ABHD3: variants seen among roughly 807,000 people sequenced by gnomAD.
The protein encoded by ABHD3 is abhydrolase domain containing 3, phospholipase.
ABHD3 carries 46 observed loss-of-function variants against 48.8 expected under a neutral mutation model. The observed-to-expected ratio is 0.94, with a 90% CI of 0.74 to 1.20. The LOEUF (loss-of-function observed/expected upper bound fraction) is 1.20, where lower values mean the gene tolerates loss of function less well. Ranked by LOEUF, ABHD3 falls within the 50% of genes most tolerant of loss-of-function variation. The probability of loss-of-function intolerance (pLI) is 0.00; values close to 1 mark genes in which losing one functional copy is unlikely to be tolerated. For synonymous variants in ABHD3, 192 were observed against 183.7 expected (o/e 1.04, Z -0.36); for missense variants, 490 against 497.8 (o/e 0.98, Z 0.15).
chr18:21,691,091 T>G (rs921173341), intron 3 of ABHD3, among the ~76,000 whole-genome samples: 4 of 150,626 alleles, frequency 2.7e-5, no homozygotes, highest in African/African-American at 9.8e-5. Context: ...AAAGTTAAAG[T>G]GTAAATAAAG....
intron 3 of ABHD3, among the ~76,000 whole-genome samples, chr18:21,687,870 T>C (rs1215832892): frequency 6.6e-6 from 1 of 152,254 alleles, no homozygotes; most frequent in African/African-American, 2.4e-5. Flanking sequence ...AGTGCTGTCC[T>C]GTGCATTATA....
chr18:21,700,430 C>T (rs1470270691), intron 3 of ABHD3, among the ~76,000 whole-genome samples: 6 of 144,510 alleles, frequency 4.2e-5, no homozygotes, highest in Non-Finnish European at 6.0e-5. Flanking sequence ...CGGAGTTTTG[C>T]TCTTATTGCC....
chr18:21,669,475 T>A (rs891657564), intron 4 of ABHD3, among the ~76,000 whole-genome samples: 1 of 152,116 alleles, frequency 6.6e-6, no homozygotes. Context: ...TTCTGGTCAA[T>A]ACCCAGTTCT....
chr18:21,689,591 C>T (rs1478026191), intron 3 of ABHD3, among the ~76,000 whole-genome samples: 3 of 139,174 alleles, frequency 2.2e-5, no homozygotes, highest in Non-Finnish European at 4.5e-5. Flanking sequence ...TGCTCAGTCT[C>T]ACAGGCTTGA....
Position 21,659,339 on chromosome 18 carries a change from G to C in ABHD3, c.673C>G (p.Leu225Val), listed in dbSNP as rs192857485. ...LAAGVSMGGM[L>V]LLNYLGKIGS... ...ATTTTGCCCAAGTAATTTAGAAGCA[G>C]CATTCTAAAATGGGGAGAAACAGGA... Residue 225 changes from leucine (L) to valine (V), a missense_variant, in exon 6 of 9, where the codon CTG (leucine) becomes GTG (valine). By Grantham distance (32) the Leu-to-Val change is conservative. Coordinates refer to ENST00000289119, the MANE Select transcript of ABHD3 (RefSeq NM_138340.5). 4 of 1,606,576 alleles carry C rather than the reference G, an allele frequency of 2.5e-6. No homozygotes were observed. In the Admixed American group the frequency reaches 6.9e-5, roughly 28 times the overall value.
chr18:21,659,065 T>C, intron 6 of ABHD3, 105 bp downstream of exon 6: 1 of 1,196,854 alleles, frequency 8.4e-7, no homozygotes, highest in Non-Finnish European at 1.2e-6. Context: ...GGTCTCGATC[T>C]CCTGACCTCG....
chr18:21,680,851 A>AATGTGT (rs199678233), intron 4 of ABHD3, among the ~76,000 whole-genome samples: 8,845 of 92,878 alleles, frequency 0.095, 282 homozygotes, highest in African/African-American at 0.22. Context: ...TTCTTTTTCA[A>AATGTGT]ATGTGTGTGT....
At chr18:21,653,832 G>C (rs936153784) in intron 8 of ABHD3, among the ~76,000 whole-genome samples, 3 of 150,926 alleles carry the variant, frequency 2.0e-5, no homozygotes, top group South Asian at 2.1e-4. Context: ...GGAGTTTAAG[G>C]CTGCAGTAAA....
At position 21,695,700 on chromosome 18, in the gene ABHD3, C is replaced by T. The variant is rs573230949; in HGVS notation, c.509+6616G>A. 7.2e-5 allele frequency among the ~76,000 whole-genome samples: 11 copies of T among 152,220 alleles called. No homozygotes were observed. The East Asian group carries it at 1.9e-3, about 27-fold the overall frequency. Reference sequence around the variant, plus strand: ...AAGCAGCTTAGGTTCCTGACACTGACATGTGCCATACAAGCCGTGATCTAC... The same window carrying T: ...AAGCAGCTTAGGTTCCTGACACTGATATGTGCCATACAAGCCGTGATCTAC... On this transcript the variant is annotated intron_variant, in intron 3 of 8. Coordinates refer to ENST00000289119, the MANE Select transcript of ABHD3 (RefSeq NM_138340.5).
intron 8 of ABHD3, among the ~76,000 whole-genome samples, chr18:21,652,883 TC>T (rs2039257692): frequency 6.7e-6 from 1 of 148,462 alleles, no homozygotes; most frequent in African/African-American, 2.5e-5. Flanking sequence ...TGAAACCCCA[TC>T]TCTACTAAAA....
chr18:21,698,136 C>T (rs987506550), intron 3 of ABHD3, among the ~76,000 whole-genome samples: 2 of 152,040 alleles, frequency 1.3e-5, no homozygotes, highest in African/African-American at 2.4e-5. Context: ...ACATGTTTCT[C>T]TATCCCAAGA....
chr18:21,701,750 A>C (rs1598569092), intron 3 of ABHD3: 1 of 152,324 alleles, frequency 6.6e-6, no homozygotes, highest in Non-Finnish European at 1.5e-5. Flanking sequence ...CTGGTGACTG[A>C]GCTTAATAAT....
intron 3 of ABHD3, among the ~76,000 whole-genome samples, chr18:21,694,216 C>T (rs1208098113): frequency 6.6e-6 from 1 of 151,938 alleles, no homozygotes; most frequent in Non-Finnish European, 1.5e-5. Flanking sequence ...TGCAGTGAGC[C>T]CCTCGAGTAG....
chr18:21,704,356 C>A (rs941887273), intron 1 of ABHD3, 148 bp downstream of exon 1: 23 of 885,752 alleles, frequency 2.6e-5, no homozygotes, highest in Non-Finnish European at 3.2e-5. Context: ...TGTTGGCTTT[C>A]CCGCGCGCGC....
At chr18:21,699,831 C>A (rs892291612) in intron 3 of ABHD3, among the ~76,000 whole-genome samples, 7 of 152,002 alleles carry the variant, frequency 4.6e-5, no homozygotes, top group Non-Finnish European at 7.4e-5. Context: ...GCACGCGCTG[C>A]CATGCCTGGC....
intron 4 of ABHD3, among the ~76,000 whole-genome samples, chr18:21,666,528 C>A (rs1199195705): frequency 6.6e-6 from 1 of 152,036 alleles, no homozygotes; most frequent in Non-Finnish European, 1.5e-5. Context: ...CAGGATTTCA[C>A]CATGTTGGCC....
chr18:21,704,490 C>G lies in ABHD3; in HGVS notation c.162+14G>C, dbSNP rs778465944. 1.6e-5 allele frequency: 22 copies of G among 1,397,220 alleles called. No homozygotes were observed. The highest frequency in any genetic ancestry group is 2.1e-5 in the Non-Finnish European group (22 of 1,065,392). 86.6% of individuals were successfully genotyped at this position (1,397,220 alleles called of 1,614,324 possible). The stretch of plus-strand genomic sequence containing the variant: ...GGCCCAGCAGCCCGCGGCCCTGCGC[C>G]ACCCCCGGCTCACCTTGGCAATGCT... On this transcript the variant is annotated intron_variant, in intron 1 of 8. Transcript: ENST00000289119.
intron 4 of ABHD3, among the ~76,000 whole-genome samples, chr18:21,670,863 A>G (rs1431447491): frequency 6.6e-6 from 1 of 152,170 alleles, no homozygotes; most frequent in Non-Finnish European, 1.5e-5. Context: ...AAAAAATACA[A>G]GTTAGCCAGG....
rs112058004 is a variant in ABHD3 at position 21,703,061 on chromosome 18, C to T, written c.326+523G>A. ...ATAGATGACTAAGGGAAATTAATAA[C>T]AGGCACCATTTAAATCTGGTTCCTG... On this transcript the variant is annotated intron_variant, in intron 2 of 8. Transcript: ENST00000289119. Among the ~76,000 whole-genome samples the T allele has an allele frequency of 5.1e-3, 780 of 152,168 alleles. 11 individuals are homozygous for T. The highest frequency in any genetic ancestry group is 0.018 in the African/African-American group (751 of 41,506).
Sources: allele counts gnomAD v4.1 joint callset (sites outside exome capture counted in the v4.1 genomes callset), GRCh38; gene constraint gnomAD v4.1.1; transcripts MANE v1.5; gene names NCBI Gene and HGNC (gene_info 2026-07-23, HGNC 2026-07-21).